The following NRXN1 variants were observed in gnomAD, a reference collection of about 807,000 sequenced individuals.
The protein encoded by NRXN1 is neurexin-1.
A neutral mutation model predicts 150.9 loss-of-function variants in NRXN1; 39 were observed. The observed-to-expected ratio is 0.26, with a 90% CI of 0.20 to 0.34. The LOEUF (loss-of-function observed/expected upper bound fraction) is 0.34. Among genes scored for constraint, NRXN1 ranks in the 10% least tolerant of loss-of-function variants. The pLI is 1.00. For missense variants in NRXN1, 1,815 were observed against 1,949.9 expected (o/e 0.93, Z 1.30); for synonymous variants, 924 against 757.0 (o/e 1.22, Z -3.62).
intron 5 of NRXN1, among the ~76,000 whole-genome samples, chr2:50,773,326 T>C (rs2105463343): frequency 6.6e-6 from 1 of 152,338 alleles, no homozygotes; most frequent in Non-Finnish European, 1.5e-5. Context: ...TGTTAATTTA[T>C]AGCTTTTGAC....
At chr2:50,911,095 G>A (rs1469723884) in intron 5 of NRXN1, among the ~76,000 whole-genome samples, 1 of 152,024 alleles carries the variant, frequency 6.6e-6, no homozygotes, top group African/African-American at 2.4e-5. Context: ...ACCACTGAGA[G>A]ATTTATCTTT....
intron 2 of NRXN1, among the ~76,000 whole-genome samples, chr2:51,001,782 T>C (rs765009769): frequency 6.6e-6 from 1 of 151,984 alleles, no homozygotes; most frequent in Non-Finnish European, 1.5e-5. Context: ...ATATAACAGT[T>C]TGGCATGCTG....
intron 21 of NRXN1, among the ~76,000 whole-genome samples, chr2:49,992,277 T>C (rs113983475): frequency 0.018 from 2,774 of 151,998 alleles, 37 homozygotes; most frequent in Middle Eastern, 0.031. Context: ...CAGTGGCTCA[T>C]GCCTGTAATC....
chr2:50,513,804 A>C (rs772862450), intron 12 of NRXN1, among the ~76,000 whole-genome samples: 3 of 152,046 alleles, frequency 2.0e-5, no homozygotes, highest in Middle Eastern at 3.2e-3. Flanking sequence ...GCTGTACAGA[A>C]ACTTGAAAAA....
intron 17 of NRXN1, among the ~76,000 whole-genome samples, chr2:50,270,541 A>G (rs1439670278): frequency 5.9e-5 from 9 of 152,152 alleles, no homozygotes; most frequent in Admixed American, 5.9e-4. Flanking sequence ...TCTCAGCTCA[A>G]TATATTTCAG....
chr2:50,386,851 G>C (rs970189602), intron 17 of NRXN1, among the ~76,000 whole-genome samples: 9 of 152,124 alleles, frequency 5.9e-5, no homozygotes, highest in African/African-American at 2.2e-4. Context: ...CTTGTATTTA[G>C]TGTTATGCTG....
At chr2:50,470,214 CTAA>C (rs766873967) in intron 16 of NRXN1, among the ~76,000 whole-genome samples, 1 of 151,868 alleles carries the variant, frequency 6.6e-6, no homozygotes, top group Non-Finnish European at 1.5e-5. Flanking sequence ...CACATTCTCA[CTAA>C]TGAGATCACC....
intron 17 of NRXN1, chr2:50,417,022 T>G (rs1277854174): frequency 6.6e-6 from 1 of 152,238 alleles, no homozygotes; most frequent in East Asian, 1.9e-4. Flanking sequence ...CAAAAAACAG[T>G]AACGGTTTCC....
At chr2:50,183,330 G>A (rs2060858360) in intron 18 of NRXN1, among the ~76,000 whole-genome samples, 1 of 152,002 alleles carries the variant, frequency 6.6e-6, no homozygotes, top group South Asian at 2.1e-4. Context: ...TTTAGCAGCT[G>A]TCAATTTGTT....
intron 8 of NRXN1, among the ~76,000 whole-genome samples, chr2:50,591,110 C>T (rs766513074): frequency 1.3e-5 from 2 of 152,124 alleles, no homozygotes; most frequent in Non-Finnish European, 2.9e-5. Context: ...AGGGGTTCAA[C>T]TAACAAACCA....
intron 2 of NRXN1, among the ~76,000 whole-genome samples, chr2:50,944,817 G>A (rs1013152792): frequency 1.3e-5 from 2 of 152,182 alleles, no homozygotes; most frequent in African/African-American, 4.8e-5. Context: ...TTAACCCTGT[G>A]CTTGAAGGAT....
chr2:50,622,732 A>G (rs1573836295), intron 6 of NRXN1, among the ~76,000 whole-genome samples: 1 of 152,168 alleles, frequency 6.6e-6, no homozygotes, highest in African/African-American at 2.4e-5. Context: ...GCCTTTCCAG[A>G]GTCATTTGGG....
At chr2:50,978,967 A>T (rs532105607) in intron 2 of NRXN1, among the ~76,000 whole-genome samples, 64 of 152,162 alleles carry the variant, frequency 4.2e-4, no homozygotes, top group African/African-American at 1.4e-3. Context: ...GGATGCTGTA[A>T]TTTTCCATTT....
At chr2:50,378,522 T>A (rs1242106460) in intron 17 of NRXN1, among the ~76,000 whole-genome samples, 4 of 152,138 alleles carry the variant, frequency 2.6e-5, no homozygotes, top group Admixed American at 1.3e-4. Context: ...TACTGGGAGC[T>A]GTAGCTACCA....
At chr2:50,507,101 T>C (rs1438989211) in intron 12 of NRXN1, among the ~76,000 whole-genome samples, 1 of 152,142 alleles carries the variant, frequency 6.6e-6, no homozygotes, top group Non-Finnish European at 1.5e-5. Context: ...TCGTTTTCAG[T>C]GAGATAAGTC....
intron 17 of NRXN1, among the ~76,000 whole-genome samples, chr2:50,268,091 G>A (rs1469157952): frequency 1.3e-5 from 2 of 152,134 alleles, no homozygotes; most frequent in Non-Finnish European, 2.9e-5. Context: ...TTGGGAGGCT[G>A]AGGCACAAGA....
At chr2:49,974,236 A>C (rs1358977954) in intron 21 of NRXN1, 1 of 676,484 alleles carries the variant, frequency 1.5e-6, no homozygotes, top group African/African-American at 1.8e-5. Context: ...TGAGGAGCCA[A>C]TGGCTGACGC....
intron 5 of NRXN1, among the ~76,000 whole-genome samples, chr2:50,846,882 A>G (rs936413546): frequency 1.3e-5 from 2 of 152,224 alleles, no homozygotes; most frequent in South Asian, 2.1e-4. Context: ...AAGTTTCATA[A>G]CGAAATAATG....
intron 17 of NRXN1, among the ~76,000 whole-genome samples, chr2:50,425,269 C>T (rs1284106840): frequency 6.6e-6 from 1 of 152,140 alleles, no homozygotes; most frequent in Admixed American, 6.5e-5. Flanking sequence ...CTGGAACAAG[C>T]TCTGTTTTGT....
Sources: allele counts gnomAD v4.1 joint callset (sites outside exome capture counted in the v4.1 genomes callset), GRCh38; gene constraint gnomAD v4.1.1; transcripts MANE v1.5; gene names NCBI Gene and HGNC (gene_info 2026-07-23, HGNC 2026-07-21).